The following SIN3A variants were observed in gnomAD, a reference collection of about 807,000 sequenced individuals.
SIN3A encodes SIN3 transcription regulator family member A.
Under a neutral mutation model 146.1 loss-of-function variants are expected in SIN3A, and 14 were observed. The ratio of observed to expected loss-of-function variants is 0.10; its 90% CI spans 0.06 to 0.15. The LOEUF (loss-of-function observed/expected upper bound fraction) is 0.15, where lower values mean the gene tolerates loss of function less well. Among genes scored for constraint, SIN3A ranks in the 10% least tolerant of loss-of-function variants. SIN3A has a pLI of 1.00. For synonymous variants in SIN3A, 572 were observed against 572.0 expected, an observed-to-expected ratio of 1.00 and a Z score of 0.00; for missense variants, 1,028 against 1,576.0, an observed-to-expected ratio of 0.65 and a Z score of 5.89.
Position 75,371,779 on chromosome 15 carries a change from G to C in SIN3A, c.*200C>G. 1 of 571,518 alleles carries C rather than the reference G, an allele frequency of 1.7e-6. No individual in the cohort carries two copies. The highest frequency in any genetic ancestry group is 3.1e-6 in the Non-Finnish European group (1 of 321,314). 35.4% of individuals were successfully genotyped at this position (571,518 alleles called of 1,614,324 possible). On this transcript the variant is annotated 3_prime_UTR_variant, in exon 21 of 21. Coordinates refer to ENST00000394947, the MANE Select transcript of SIN3A (RefSeq NM_001145358.2). ...CCCTTTGGGAAAAGTTCCAGCTTCA[G>C]CTTTGTAAGGTATTCATGTTCCTAA...
At chr15:75,372,715 G>C (rs55733867) in intron 20 of SIN3A, among the ~76,000 whole-genome samples, 5,920 of 151,020 alleles carry the variant, frequency 0.039, 430 homozygotes, top group African/African-American at 0.14. Flanking sequence ...CAGCTACTTG[G>C]TAGGCTGAAG....
chr15:75,453,723 G>GCACGGAAATAGCCAAGCGA (rs1481334980), upstream of SIN3A: 1 of 152,312 alleles, frequency 6.6e-6, no homozygotes, highest in African/African-American at 2.4e-5. Flanking sequence ...AAGTCAAGGG[G>GCACGGAAATAGCCAAGCGA]CACGGAAATA....
chr15:75,412,049 G>GA (rs992243804), intron 5 of SIN3A, among the ~76,000 whole-genome samples: 13 of 152,296 alleles, frequency 8.5e-5, no homozygotes, highest in East Asian at 5.8e-4. Context: ...AGTACACATA[G>GA]AAAAAATCTC....
At chr15:75,388,823 A>C (rs574275334) in intron 16 of SIN3A, 1 of 153,124 alleles carries the variant, frequency 6.5e-6, no homozygotes, top group Non-Finnish European at 1.5e-5. Flanking sequence ...TGAAAAGGAA[A>C]AATGAAGCCC....
chr15:75,390,882 T>C (rs1328698223), intron 15 of SIN3A, among the ~76,000 whole-genome samples: 2 of 152,160 alleles, frequency 1.3e-5, no homozygotes, highest in Non-Finnish European at 2.9e-5. Flanking sequence ...GGCCTATACA[T>C]TGCACTTCAA....
chr15:75,387,412 T>C (rs944246681), intron 16 of SIN3A, among the ~76,000 whole-genome samples: 2 of 151,226 alleles, frequency 1.3e-5, no homozygotes, highest in African/African-American at 4.9e-5. Flanking sequence ...TCCCAGCTAC[T>C]TGGGAGGCTG....
At chr15:75,409,065 G>A (rs902312225) in intron 8 of SIN3A, among the ~76,000 whole-genome samples, 10 of 152,126 alleles carry the variant, frequency 6.6e-5, no homozygotes, top group Admixed American at 2.6e-4. Context: ...TTAGCTGGGC[G>A]TGGTGGCACA....
intron 9 of SIN3A, among the ~76,000 whole-genome samples, chr15:75,402,346 T>C (rs2073427314): frequency 6.6e-6 from 1 of 151,904 alleles, no homozygotes; most frequent in African/African-American, 2.4e-5. Flanking sequence ...ACCCCGTCTC[T>C]ACTAAAAATA....
intron 12 of SIN3A, among the ~76,000 whole-genome samples, chr15:75,397,861 C>T (rs987430573): frequency 2.0e-5 from 3 of 152,190 alleles, no homozygotes; most frequent in African/African-American, 4.8e-5. Flanking sequence ...ATCAGTTAAC[C>T]TTACTAAACG....
upstream of SIN3A, among the ~76,000 whole-genome samples, chr15:75,455,388 G>A (rs1358934087): frequency 6.6e-6 from 1 of 152,138 alleles, no homozygotes; most frequent in Admixed American, 6.5e-5. Context: ...TTTCTTTCCA[G>A]TATTTTTCTT....
intron 9 of SIN3A, among the ~76,000 whole-genome samples, chr15:75,403,749 T>C (rs2073456635): frequency 6.6e-6 from 1 of 152,144 alleles, no homozygotes; most frequent in Non-Finnish European, 1.5e-5. Flanking sequence ...TTTCACCATG[T>C]TGGCCAGGCT....
chr15:75,445,750 C>CA (rs1284396062), intron 1 of SIN3A, among the ~76,000 whole-genome samples: 8 of 39,946 alleles, frequency 2.0e-4, no homozygotes, highest in South Asian at 7.8e-4. Context: ...GACCTTGTCT[C>CA]AAAAAAAAGA....
chr15:75,403,153 T>C (rs2073442950), intron 9 of SIN3A, among the ~76,000 whole-genome samples: 2 of 151,448 alleles, frequency 1.3e-5, no homozygotes, highest in Non-Finnish European at 2.9e-5. Context: ...CTGGGCGCAG[T>C]GGCTCACGCC....
chr15:75,430,226 T>C lies in SIN3A; in HGVS notation c.150A>G (p.Ser50=). 6.2e-7 allele frequency: 1 copy of C among 1,614,174 alleles called. No homozygotes were observed. Among genetic ancestry groups the C allele is most frequent in the Non-Finnish European group, 8.5e-7 (1 of 1,180,018 alleles). The part of the protein sequence containing the change: ...VYEAVSETMQ[S]ATGIQYSVTP... Reference sequence around the variant, plus strand: ...TTACAGAGTACTGAATTCCCGTAGCTGACTGCATGGTCTCAGACACTGCTT... The same window carrying C: ...TTACAGAGTACTGAATTCCCGTAGCCGACTGCATGGTCTCAGACACTGCTT... Residue 50 remains serine, a synonymous_variant, in exon 2 of 21, where the codon TCA becomes TCG. Transcript: ENST00000394947.
chr15:75,411,698 G>A lies in SIN3A; in HGVS notation c.802C>T (p.Pro268Ser), dbSNP rs928957518. 2.5e-5 allele frequency: 40 copies of A among 1,612,678 alleles called. No individual in the cohort carries two copies. The highest frequency in any genetic ancestry group is 3.1e-5 in the Non-Finnish European group (37 of 1,179,030). Residue 268 changes from proline (P) to serine (S), a missense_variant, in exon 6 of 21, where the codon CCA becomes TCA. Pro to Ser is a moderately conservative substitution (Grantham distance 74). Transcript: ENST00000394947. ...CGTGGGGATGCATACGGTGGAAGTG[G>A]GGGAGTCTGCTGACTGGCCGGAGTA... is the stretch of plus-strand genomic sequence containing the variant. ...AHTPASQQTP[P>S]LPPYASPRSP...
At chr15:75,415,511 C>T in intron 3 of SIN3A, 1 of 206,614 alleles carries the variant, frequency 4.8e-6, no homozygotes, top group Non-Finnish European at 1.0e-5. Context: ...AGAAGATCCG[C>T]AAGGTTGTAT....
Position 75,435,500 on chromosome 15 carries a change from C to G in SIN3A, c.-33-5092G>C, listed in dbSNP as rs530049901. The stretch of plus-strand genomic sequence containing the variant: ...ATCACCTGAGTTTGGGAGTTCGAGA[C>G]CAACCTGACCAACATGGAGAAACCC... On this transcript the variant is annotated intron_variant, in intron 1 of 20. Transcript: ENST00000394947. Among the ~76,000 whole-genome samples the G allele has an allele frequency of 6.6e-5, 10 of 152,154 alleles. No individual in the cohort carries two copies. In the South Asian group the frequency reaches 2.1e-3, roughly 32 times the overall value.
At chr15:75,415,997 G>C (rs2073728312) in intron 3 of SIN3A, 1 of 339,830 alleles carries the variant, frequency 2.9e-6, no homozygotes, top group Non-Finnish European at 5.7e-6. Context: ...ACAGAAAGCT[G>C]AAGGTGCTAG....
At chr15:75,445,773 A>G (rs2074297034) in intron 1 of SIN3A, among the ~76,000 whole-genome samples, 1 of 151,716 alleles carries the variant, frequency 6.6e-6, no homozygotes, top group African/African-American at 2.4e-5. Context: ...AAAAAAAAAA[A>G]AAAAGAAAGA....
Sources: gnomAD v4.1 joint callset for allele counts (sites outside exome capture counted in the v4.1 genomes callset) on GRCh38, gnomAD v4.1.1 for gene constraint, MANE v1.5 for transcripts, NCBI Gene and HGNC (gene_info 2026-07-23, HGNC 2026-07-21) for gene names.